Variants in RFC3 observed in about 807,000 individuals in gnomAD.
RFC3 encodes A1 38 kDa subunit.
In RFC3, 41 loss-of-function variants were observed where a neutral mutation model predicts 45.1. That is an observed-to-expected ratio of 0.91 (90% CI 0.71 to 1.18). RFC3 has a LOEUF of 1.18. RFC3 is among the 50% of genes most tolerant of loss of function. The probability of loss-of-function intolerance (pLI) is 0.00; values close to 1 mark genes in which losing one functional copy is unlikely to be tolerated. For missense variants in RFC3, 423 were observed against 428.1 expected (o/e 0.99, Z 0.10); for synonymous variants, 149 against 144.0 (o/e 1.03, Z -0.25).
chr13:33,883,329 A>C (rs1221431157), intron 8 of RFC3, among the ~76,000 whole-genome samples: 1 of 152,180 alleles, frequency 6.6e-6, no homozygotes, highest in African/African-American at 2.4e-5. Context: ...AAATTGCATA[A>C]TTTTTGTTAG....
chr13:33,896,582 G>A (rs945650495), intron 8 of RFC3, among the ~76,000 whole-genome samples: 4 of 151,552 alleles, frequency 2.6e-5, no homozygotes, highest in African/African-American at 9.7e-5. Context: ...AAAGTAGCTA[G>A]GAGTGGTGGT....
chr13:33,848,378 A>G (rs1199086123), intron 8 of RFC3: 1 of 152,158 alleles, frequency 6.6e-6, no homozygotes, highest in East Asian at 1.9e-4. Flanking sequence ...GAGACAACTC[A>G]GTTTTGAGTT....
intron 8 of RFC3, among the ~76,000 whole-genome samples, chr13:33,944,059 G>A (rs2082940441): frequency 6.6e-6 from 1 of 152,112 alleles, no homozygotes; most frequent in South Asian, 2.1e-4. Context: ...GCACTTTGTT[G>A]CTTACTTTCT....
At chr13:33,936,097 TGAA>T (rs1224814808) in intron 8 of RFC3, among the ~76,000 whole-genome samples, 1 of 152,060 alleles carries the variant, frequency 6.6e-6, no homozygotes, top group East Asian at 1.9e-4. Flanking sequence ...TGACTGCAGG[TGAA>T]GGAGGCAGGA....
Position 33,869,643 on chromosome 13 carries a change from G to A in RFC3, c.879+34426G>A, listed in dbSNP as rs141867925. On this transcript the variant is annotated intron_variant, in intron 8 of 8. Coordinates refer to the RFC3 transcript ENST00000434425. ...TCTTTGCCTTTCTTTTCCTCATCTA[G>A]TTTTGCTACTGGATGGGGCTGGCCT... Among the ~76,000 whole-genome samples, 829 of 152,192 alleles carry A rather than the reference G, an allele frequency of 5.4e-3. 5 individuals carry two copies. The highest frequency in any genetic ancestry group is 0.019 in the African/African-American group (776 of 41,514).
intron 8 of RFC3, among the ~76,000 whole-genome samples, chr13:33,915,096 A>G (rs2082725081): frequency 6.6e-6 from 1 of 152,202 alleles, no homozygotes; most frequent in African/African-American, 2.4e-5. Flanking sequence ...ATCTTAGAGC[A>G]ATAAATAGTT....
At chr13:33,830,951 G>C in intron 6 of RFC3, 96 bp downstream of exon 6, 1 of 954,588 alleles carries the variant, frequency 1.0e-6, no homozygotes, top group East Asian at 2.5e-5. Flanking sequence ...CCATGGACTG[G>C]GCAGGGGTGG....
chr13:33,834,312 A>G (rs1051401508), intron 7 of RFC3, among the ~76,000 whole-genome samples: 9 of 127,060 alleles, frequency 7.1e-5, no homozygotes, highest in African/African-American at 2.5e-4. Flanking sequence ...ATATATATAT[A>G]TATATATATA....
chr13:33,842,078 C>T (rs1279574902), downstream of RFC3, among the ~76,000 whole-genome samples: 1 of 151,918 alleles, frequency 6.6e-6, no homozygotes, highest in African/African-American at 2.4e-5. Flanking sequence ...CCCAGGAGCC[C>T]GAGATGATCT....
At chr13:33,899,204 C>CAAAAAA (rs59221382) in intron 8 of RFC3, among the ~76,000 whole-genome samples, 148 of 51,964 alleles carry the variant, frequency 2.8e-3, no homozygotes, top group African/African-American at 5.3e-3. Context: ...CACAATAAGA[C>CAAAAAA]AAAAAAAAAA....
At chr13:33,821,336 G>T (rs1375487350) in intron 2 of RFC3, 67 bp downstream of exon 2, 8 of 1,483,438 alleles carry the variant, frequency 5.4e-6, no homozygotes, top group Non-Finnish European at 7.5e-6. Flanking sequence ...GGTCATGTAT[G>T]TCCCCCCAAC....
intron 8 of RFC3, among the ~76,000 whole-genome samples, chr13:33,908,597 A>T (rs2183279): frequency 0.99 from 146,753 of 147,908 alleles, 72,808 homozygotes; most frequent in Middle Eastern, 1. Flanking sequence ...GAAAAAGAAC[A>T]CACAGGAGAT....
intron 8 of RFC3, among the ~76,000 whole-genome samples, chr13:33,924,502 G>C (rs1437465182): frequency 6.6e-6 from 1 of 151,606 alleles, no homozygotes; most frequent in Non-Finnish European, 1.5e-5. Flanking sequence ...GTTGTAATAG[G>C]TATGGTATAG....
intron 8 of RFC3, among the ~76,000 whole-genome samples, chr13:33,874,187 A>G (rs567311571): frequency 2.6e-5 from 4 of 152,344 alleles, no homozygotes; most frequent in African/African-American, 9.6e-5. Context: ...ACAACATGCC[A>G]TCATTCTATT....
intron 8 of RFC3, among the ~76,000 whole-genome samples, chr13:33,845,273 T>TG (rs1183743268): frequency 1.3e-5 from 2 of 152,186 alleles, no homozygotes; most frequent in Admixed American, 1.3e-4. Flanking sequence ...GGTTAAATCT[T>TG]GGTGTTCTAT....
chr13:33,874,689 C>T (rs1294544608), intron 8 of RFC3, among the ~76,000 whole-genome samples: 1 of 152,196 alleles, frequency 6.6e-6, no homozygotes, highest in Non-Finnish European at 1.5e-5. Flanking sequence ...TGGAAGTAGG[C>T]TGTAAATCCA....
chr13:33,910,424 A>G (rs1035359177), intron 8 of RFC3, among the ~76,000 whole-genome samples: 1 of 152,150 alleles, frequency 6.6e-6, no homozygotes, highest in Admixed American at 6.6e-5. Flanking sequence ...GTAAGCACTC[A>G]TGAATGTTCA....
rs1361224536 is a variant in RFC3 at position 33,837,026 on chromosome 13, GT to G, written c.*733del. 1 of 984,714 alleles carries G rather than the reference GT, an allele frequency of 1.0e-6. No homozygotes were observed. The allele number at this position is 984,714 out of a possible 1,614,324, so 61.0% of individuals were successfully genotyped here. ...CTGCCCTTTTTAATTAAATATTTTGGTTCATGGACCAAAGGGTTTACTTGAC... is the reference window on the plus strand; with the variant it reads ...CTGCCCTTTTTAATTAAATATTTTGGTCATGGACCAAAGGGTTTACTTGAC... On this transcript the variant is annotated 3_prime_UTR_variant, in exon 9 of 9. Coordinates refer to ENST00000380071, the MANE Select transcript of RFC3 (RefSeq NM_002915.4).
At chr13:33,904,025 A>G (rs995496509) in intron 8 of RFC3, among the ~76,000 whole-genome samples, 2 of 152,106 alleles carry the variant, frequency 1.3e-5, no homozygotes, top group Non-Finnish European at 2.9e-5. Context: ...CTGTTTCAGT[A>G]CCAGCTTCTT....
Sources: gnomAD v4.1 joint callset for allele counts (sites outside exome capture counted in the v4.1 genomes callset) on GRCh38, gnomAD v4.1.1 for gene constraint, MANE v1.5 for transcripts, NCBI Gene and HGNC (gene_info 2026-07-23, HGNC 2026-07-21) for gene names.